PCDH15: variants seen among roughly 807,000 people sequenced by gnomAD.
PCDH15 encodes the protein protocadherin related 15.
In PCDH15, 129 loss-of-function variants were observed where a neutral mutation model predicts 178.5. The observed-to-expected ratio is 0.72, with a 90% CI of 0.63 to 0.84. PCDH15 has a LOEUF of 0.84. Among genes scored for constraint, PCDH15 ranks in the 40% least tolerant of loss-of-function variants. PCDH15 has a pLI of 0.00. For synonymous variants in PCDH15, 800 were observed against 732.0 expected (o/e 1.09, Z -1.50); for missense variants, 2,230 against 2,099.9 (o/e 1.06, Z -1.21).
chr10:55,031,487 A>G (rs1591846393), intron 2 of PCDH15, among the ~76,000 whole-genome samples: 2 of 152,210 alleles, frequency 1.3e-5, no homozygotes, highest in Non-Finnish European at 2.9e-5. Context: ...GACCTCATCA[A>G]AAGTCAAAGC....
At chr10:54,286,989 C>T (rs182605923) in intron 8 of PCDH15, among the ~76,000 whole-genome samples, 145 of 152,182 alleles carry the variant, frequency 9.5e-4, no homozygotes, top group African/African-American at 3.4e-3. Context: ...ATTAAATGGT[C>T]TATTATCCTA....
intron 8 of PCDH15, among the ~76,000 whole-genome samples, chr10:54,307,053 TATATATATATATATATATATATATATAC>T (rs2060548073): frequency 4.6e-4 from 4 of 8,764 alleles, no homozygotes; most frequent in East Asian, 3.6e-3. Flanking sequence ...TATATATATA[TATATATATATATATATATATATATATAC>T]ATATATATAT....
At chr10:55,576,453 C>T in intron 2 of PCDH15, among the ~76,000 whole-genome samples, 1 of 152,126 alleles carries the variant, frequency 6.6e-6, no homozygotes, top group Non-Finnish European at 1.5e-5. Context: ...TCAGTTTGAA[C>T]TCGTATTGTT....
chr10:53,939,864 G>A (rs780916802), intron 24 of PCDH15, among the ~76,000 whole-genome samples: 4 of 152,132 alleles, frequency 2.6e-5, no homozygotes, highest in Non-Finnish European at 5.9e-5. Flanking sequence ...AGAAAGTTTC[G>A]GGACGGAACA....
chr10:55,022,763 T>G (rs1291229469), intron 2 of PCDH15, among the ~76,000 whole-genome samples: 6 of 148,728 alleles, frequency 4.0e-5, no homozygotes, highest in Non-Finnish European at 1.5e-5. Context: ...CAGGCTGGAG[T>G]GCAGTGGCGC....
intron 8 of PCDH15, among the ~76,000 whole-genome samples, chr10:54,296,529 C>T (rs2059803875): frequency 6.6e-6 from 1 of 152,144 alleles, no homozygotes; most frequent in Non-Finnish European, 1.5e-5. Context: ...CTAAAAACCA[C>T]TCCCTGTCTC....
chr10:53,953,615 A>G (rs2087308577), intron 23 of PCDH15, among the ~76,000 whole-genome samples: 1 of 152,182 alleles, frequency 6.6e-6, no homozygotes. Flanking sequence ...TTAATATTAT[A>G]AATTATAAAC....
intron 2 of PCDH15, among the ~76,000 whole-genome samples, chr10:54,914,439 T>G: frequency 6.6e-6 from 1 of 152,132 alleles, no homozygotes; most frequent in East Asian, 1.9e-4. Context: ...ATGACATAAA[T>G]AAAAATTGTT....
At chr10:53,836,488 A>G (rs1042090837) in intron 29 of PCDH15, among the ~76,000 whole-genome samples, 1 of 144,682 alleles carries the variant, frequency 6.9e-6, no homozygotes, top group African/African-American at 2.5e-5. Flanking sequence ...AGGACTGAGT[A>G]AGAAGACTGA....
At chr10:53,910,831 G>T (rs1589377706) in intron 25 of PCDH15, among the ~76,000 whole-genome samples, 1 of 152,088 alleles carries the variant, frequency 6.6e-6, no homozygotes, top group Non-Finnish European at 1.5e-5. Flanking sequence ...TGACCTGATG[G>T]AGCTGAAAAC....
At chr10:54,362,661 A>T (rs1946223509) in intron 5 of PCDH15, among the ~76,000 whole-genome samples, 1 of 152,088 alleles carries the variant, frequency 6.6e-6, no homozygotes, top group African/African-American at 2.4e-5. Flanking sequence ...TGCGTCTAGA[A>T]AAACCTTTCA....
At chr10:54,212,274 G>T (rs2051523008) in intron 10 of PCDH15, among the ~76,000 whole-genome samples, 1 of 151,990 alleles carries the variant, frequency 6.6e-6, no homozygotes, top group African/African-American at 2.4e-5. Context: ...ATGTAAGAAG[G>T]TGAATCTCAT....
intron 2 of PCDH15, chr10:54,608,059 C>T (rs2092823355): frequency 2.3e-6 from 1 of 435,350 alleles, no homozygotes; most frequent in Admixed American, 3.1e-5. Flanking sequence ...ACTTGAAATA[C>T]TTTTCTTTGA....
intron 3 of PCDH15, among the ~76,000 whole-genome samples, chr10:54,524,301 G>A (rs184648429): frequency 7.0e-4 from 106 of 152,108 alleles, no homozygotes; most frequent in Middle Eastern, 3.4e-3. Context: ...AATCTCTCAC[G>A]TAGTGATATC....
At chr10:55,530,738 C>T (rs1203313749) in intron 2 of PCDH15, among the ~76,000 whole-genome samples, 2 of 151,708 alleles carry the variant, frequency 1.3e-5, no homozygotes, top group African/African-American at 4.8e-5. Context: ...GTCTTTGTGG[C>T]CTATCTCTGG....
chr10:54,620,088 C>A (rs2093309095), intron 2 of PCDH15, among the ~76,000 whole-genome samples: 1 of 152,026 alleles, frequency 6.6e-6, no homozygotes, highest in African/African-American at 2.4e-5. Flanking sequence ...ATTATTTTAA[C>A]ACTACAACAA....
intron 3 of PCDH15, among the ~76,000 whole-genome samples, chr10:54,461,044 T>G (rs889642868): frequency 1.3e-4 from 20 of 152,048 alleles, no homozygotes; most frequent in Non-Finnish European, 2.2e-4. Flanking sequence ...GATACTAGAT[T>G]AGAGAATATT....
intron 2 of PCDH15, among the ~76,000 whole-genome samples, chr10:55,450,256 C>G (rs1254320359): frequency 6.6e-6 from 1 of 152,182 alleles, no homozygotes; most frequent in East Asian, 1.9e-4. Flanking sequence ...AATTATTTCC[C>G]AGGCTCGTTT....
intron 2 of PCDH15, among the ~76,000 whole-genome samples, chr10:55,337,722 T>A (rs1349925425): frequency 6.6e-6 from 1 of 152,210 alleles, no homozygotes; most frequent in Non-Finnish European, 1.5e-5. Flanking sequence ...ACATGACCTT[T>A]TCAACATTTA....
Sources: gnomAD v4.1 joint callset for allele counts (sites outside exome capture counted in the v4.1 genomes callset) on GRCh38, gnomAD v4.1.1 for gene constraint, MANE v1.5 for transcripts, NCBI Gene and HGNC (gene_info 2026-07-23, HGNC 2026-07-21) for gene names.